The following MNAT1 variants were observed in gnomAD, a reference collection of about 807,000 sequenced individuals.
The protein encoded by MNAT1 is MNAT1 component of CDK activating kinase.
Under a neutral mutation model 42.0 loss-of-function variants are expected in MNAT1, and 43 were observed. The ratio of observed to expected loss-of-function variants is 1.02; its 90% CI spans 0.80 to 1.32. The LOEUF is 1.32. Among genes scored for constraint, MNAT1 ranks in the 40% most tolerant of loss-of-function variants. The pLI is 0.00. For synonymous variants in MNAT1, 118 were observed against 120.0 expected (o/e 0.98, Z 0.11); for missense variants, 306 against 350.4 (o/e 0.87, Z 1.01).
intron 1 of MNAT1, among the ~76,000 whole-genome samples, chr14:60,783,189 A>C (rs2031526263): frequency 6.6e-6 from 1 of 152,206 alleles, no homozygotes; most frequent in African/African-American, 2.4e-5. Context: ...AACCACAGAT[A>C]AATAACACTA....
At chr14:60,965,719 G>C (rs1333067605) in intron 7 of MNAT1, among the ~76,000 whole-genome samples, 2 of 152,166 alleles carry the variant, frequency 1.3e-5, no homozygotes, top group African/African-American at 4.8e-5. Flanking sequence ...TGTGGTGCTT[G>C]AATTTTACCA....
intron 7 of MNAT1, among the ~76,000 whole-genome samples, chr14:60,949,224 T>TA (rs1358809352): frequency 9.2e-5 from 14 of 152,310 alleles, no homozygotes; most frequent in African/African-American, 3.1e-4. Flanking sequence ...TCCTCTTCTT[T>TA]ACTTCCTGTT....
At chr14:60,929,620 C>G (rs1318064965) in intron 7 of MNAT1, among the ~76,000 whole-genome samples, 2 of 152,018 alleles carry the variant, frequency 1.3e-5, no homozygotes, top group African/African-American at 4.8e-5. Context: ...ATAAGCAAAG[C>G]TTTTTGATTA....
intron 6 of MNAT1, among the ~76,000 whole-genome samples, chr14:60,846,822 G>T (rs560777208): frequency 2.0e-5 from 3 of 152,168 alleles, no homozygotes; most frequent in East Asian, 3.9e-4. Context: ...TTCTATATTT[G>T]GGAAGAATGT....
At chr14:60,834,157 G>A (rs1055598271) in intron 6 of MNAT1, among the ~76,000 whole-genome samples, 9 of 151,952 alleles carry the variant, frequency 5.9e-5, no homozygotes, top group Non-Finnish European at 1.3e-4. Flanking sequence ...AGTGTTTTTT[G>A]TGTCTCTATC....
intron 6 of MNAT1, among the ~76,000 whole-genome samples, chr14:60,857,423 C>G (rs10140419): frequency 0.054 from 8,142 of 152,170 alleles, 726 homozygotes; most frequent in African/African-American, 0.19. Context: ...CATGATAAAA[C>G]TTGAATGGAT....
At chr14:60,936,384 C>A (rs1163792745) in intron 7 of MNAT1, among the ~76,000 whole-genome samples, 1 of 123,392 alleles carries the variant, frequency 8.1e-6, no homozygotes, top group African/African-American at 3.0e-5. Flanking sequence ...CCCCCCTCCC[C>A]CCACCCCACA....
intron 6 of MNAT1, among the ~76,000 whole-genome samples, chr14:60,873,635 A>T (rs2034375851): frequency 9.2e-6 from 1 of 108,252 alleles, no homozygotes; most frequent in African/African-American, 3.4e-5. Flanking sequence ...TGCCTGGCTA[A>T]TTTTTTTTTT....
At chr14:60,766,977 A>C (rs2030852384) in intron 1 of MNAT1, among the ~76,000 whole-genome samples, 2 of 152,228 alleles carry the variant, frequency 1.3e-5, no homozygotes, top group South Asian at 4.1e-4. Flanking sequence ...ATATAAGGAA[A>C]CAATTCAATA....
intron 3 of MNAT1, among the ~76,000 whole-genome samples, chr14:60,806,286 A>G (rs2032366328): frequency 1.3e-5 from 2 of 152,152 alleles, no homozygotes; most frequent in Admixed American, 6.5e-5. Flanking sequence ...CATAAGGAGG[A>G]GCTGGTCATT....
chr14:60,964,028 C>CAGAT (rs1213503934), intron 7 of MNAT1, among the ~76,000 whole-genome samples: 2 of 152,046 alleles, frequency 1.3e-5, no homozygotes, highest in African/African-American at 4.8e-5. Flanking sequence ...AGACTTCAGC[C>CAGAT]AGATGGTCAA....
intron 2 of MNAT1, 149 bp downstream of exon 2, chr14:60,796,518 A>ATTTTTTTTTTTTTTTTTTTTT: frequency 1.4e-6 from 1 of 697,778 alleles, no homozygotes; most frequent in South Asian, 2.3e-5. Context: ...GAGTAATATT[A>ATTTTTTTTTTTTTTTTTTTTT]TTTATCTTTG....
chr14:60,912,716 C>T (rs1279215009), intron 7 of MNAT1, among the ~76,000 whole-genome samples: 1 of 152,160 alleles, frequency 6.6e-6, no homozygotes, highest in Non-Finnish European at 1.5e-5. Context: ...GATGGGCTTC[C>T]CTTTTTGGGT....
chr14:60,961,979 T>C (rs1201185195), intron 7 of MNAT1, among the ~76,000 whole-genome samples: 1 of 152,210 alleles, frequency 6.6e-6, no homozygotes, highest in Non-Finnish European at 1.5e-5. Flanking sequence ...CATTTATTTT[T>C]ATAATATCTA....
intron 1 of MNAT1, among the ~76,000 whole-genome samples, chr14:60,786,264 G>A (rs927660712): frequency 1.3e-5 from 2 of 151,634 alleles, no homozygotes; most frequent in African/African-American, 4.8e-5. Flanking sequence ...AATAAGAAGT[G>A]AAGAGAGAGC....
At chr14:60,937,052 C>T (rs907637725) in intron 7 of MNAT1, among the ~76,000 whole-genome samples, 99 of 151,378 alleles carry the variant, frequency 6.5e-4, no homozygotes, top group African/African-American at 2.0e-3. Flanking sequence ...TCATATCCTT[C>T]ACCCACTTGT....
chr14:60,752,357 T>C (rs570577337), intron 1 of MNAT1, among the ~76,000 whole-genome samples: 27 of 152,310 alleles, frequency 1.8e-4, no homozygotes, highest in African/African-American at 6.5e-4. Context: ...GTTTTTAATA[T>C]TTGCATTTTT....
At chr14:60,959,139 G>C (rs1441678425) in intron 7 of MNAT1, among the ~76,000 whole-genome samples, 2 of 152,120 alleles carry the variant, frequency 1.3e-5, no homozygotes, top group South Asian at 2.1e-4. Context: ...ACCTGCAGGG[G>C]GTCTGTTGTA....
intron 7 of MNAT1, among the ~76,000 whole-genome samples, chr14:60,901,013 C>CAAAAAAA (rs56345746): frequency 2.7e-5 from 1 of 36,576 alleles, no homozygotes; most frequent in Non-Finnish European, 4.4e-5. Flanking sequence ...GAGCCTGTCT[C>CAAAAAAA]AAAAAAAAAA....
Sources: allele counts gnomAD v4.1 joint callset (sites outside exome capture counted in the v4.1 genomes callset), GRCh38; gene constraint gnomAD v4.1.1; transcripts MANE v1.5; gene names NCBI Gene and HGNC (gene_info 2026-07-23, HGNC 2026-07-21).